The following ASPRV1 variants were observed in gnomAD, a reference collection of about 807,000 sequenced individuals.
ASPRV1 encodes the protein aspartic peptidase retroviral like 1, also known as retroviral-like aspartic protease 1.
Under a neutral mutation model 11.0 loss-of-function variants are expected in ASPRV1, and 7 were observed. That is an observed-to-expected ratio of 0.64 (90% CI 0.36 to 1.20). ASPRV1 has a LOEUF of 1.20. ASPRV1 is among the 50% of genes most tolerant of loss of function. ASPRV1 has a pLI of 0.02. For synonymous variants in ASPRV1, 136 were observed against 138.4 expected, an observed-to-expected ratio of 0.98 and a Z score of 0.12; for missense variants, 299 against 320.0, an observed-to-expected ratio of 0.93 and a Z score of 0.50.
the ASPRV1 span, chr2:70,071,876 G>C: frequency 6.6e-6 from 1 of 152,204 alleles, no homozygotes; most frequent in Non-Finnish European, 1.5e-5. Flanking sequence ...GGCCAAGGCG[G>C]GAGGACTGAT....
the ASPRV1 span, among the ~76,000 whole-genome samples, chr2:69,971,684 T>C: frequency 6.6e-6 from 1 of 152,286 alleles, no homozygotes. Context: ...AGGCCGGAGA[T>C]GTGAGGCGGC....
the ASPRV1 span, among the ~76,000 whole-genome samples, chr2:70,074,139 A>G: frequency 2.0e-5 from 3 of 148,766 alleles, no homozygotes; most frequent in Non-Finnish European, 4.5e-5. Context: ...ATCTCAAAAA[A>G]AAAAAAAAAA....
At chr2:69,936,514 TGG>T in the ASPRV1 span, among the ~76,000 whole-genome samples, 1 of 152,224 alleles carries the variant, frequency 6.6e-6, no homozygotes, top group Non-Finnish European at 1.5e-5. Flanking sequence ...ATATTATAGT[TGG>T]ACAAATGTTA....
chr2:69,969,113 G>T, the ASPRV1 span, among the ~76,000 whole-genome samples: 95 of 152,242 alleles, frequency 6.2e-4, no homozygotes, highest in African/African-American at 2.1e-3. Flanking sequence ...ACACTCACAG[G>T]GCCAAGGTGC....
At chr2:70,013,879 T>C in the ASPRV1 span, among the ~76,000 whole-genome samples, 13 of 151,360 alleles carry the variant, frequency 8.6e-5, no homozygotes, top group Non-Finnish European at 1.5e-4. Context: ...AAACTCCGTC[T>C]CAAAACAAAC....
chr2:70,050,169 A>G, the ASPRV1 span: 1 of 152,120 alleles, frequency 6.6e-6, no homozygotes, highest in Non-Finnish European at 1.5e-5. Context: ...AGTCCCAGGT[A>G]CTCGGGAGGC....
downstream of ASPRV1, among the ~76,000 whole-genome samples, chr2:69,958,105 T>G (rs1677981126): frequency 6.6e-6 from 1 of 152,098 alleles, no homozygotes; most frequent in Non-Finnish European, 1.5e-5. Flanking sequence ...TCTCCCGGGC[T>G]TCTCTGTTGT....
the ASPRV1 span, chr2:69,996,849 G>C: frequency 5.0e-6 from 2 of 403,692 alleles, no homozygotes; most frequent in Admixed American, 6.3e-5. Flanking sequence ...ATGGATAAGG[G>C]TTAAGCACCT....
At chr2:70,032,788 G>A in the ASPRV1 span, among the ~76,000 whole-genome samples, 1 of 152,166 alleles carries the variant, frequency 6.6e-6, no homozygotes, top group Non-Finnish European at 1.5e-5. Flanking sequence ...TGAGGAGGCT[G>A]CAGCTCTCCG....
chr2:69,956,479 A>AAGAAGAAGAGGAAGAAGAAGAAGAAGAAG (rs1558579534), downstream of ASPRV1, among the ~76,000 whole-genome samples: 1 of 132,012 alleles, frequency 7.6e-6, no homozygotes, highest in African/African-American at 3.6e-5. Flanking sequence ...AGAAGAAGAA[A>AAGAAGAAGAGGAAGAAGAAGAAGAAGAAG]AGAGGAAGAA....
At chr2:70,051,088 T>C in the ASPRV1 span, 1 of 152,246 alleles carries the variant, frequency 6.6e-6, no homozygotes, top group Non-Finnish European at 1.5e-5. Flanking sequence ...TTTCAGTTAC[T>C]ATTCTAAGCA....
chr2:70,065,091 TCTCAA>T, the ASPRV1 span, among the ~76,000 whole-genome samples: 1 of 148,048 alleles, frequency 6.8e-6, no homozygotes, highest in African/African-American at 2.5e-5. Flanking sequence ...CCAGACTCCA[TCTCAA>T]AACAAAACAA....
chr2:69,963,112 A>T (rs931158715), upstream of ASPRV1: 5 of 375,028 alleles, frequency 1.3e-5, no homozygotes, highest in Admixed American at 9.9e-5. Context: ...TGGATGGCCC[A>T]GGTCCCCAAC....
the ASPRV1 span, among the ~76,000 whole-genome samples, chr2:70,025,732 A>G: frequency 2.6e-5 from 4 of 152,242 alleles, no homozygotes; most frequent in Non-Finnish European, 5.9e-5. Flanking sequence ...TGTGAACTCC[A>G]GCTTCTGCTG....
At chr2:70,078,684 G>A in the ASPRV1 span, among the ~76,000 whole-genome samples, 1 of 152,332 alleles carries the variant, frequency 6.6e-6, no homozygotes, top group Admixed American at 6.5e-5. Context: ...AGGAAATGAA[G>A]TCAGAGCAGC....
chr2:69,998,349 CT>C, the ASPRV1 span, among the ~76,000 whole-genome samples: 1 of 150,728 alleles, frequency 6.6e-6, no homozygotes, highest in Admixed American at 6.6e-5. Flanking sequence ...TAAAAAGTCA[CT>C]TAAAAAAAAA....
chr2:70,030,128 C>A, the ASPRV1 span: 1 of 152,172 alleles, frequency 6.6e-6, no homozygotes, highest in Non-Finnish European at 1.5e-5. Context: ...AGCACAAAAG[C>A]CTTTGGTAGT....
At chr2:69,935,549 C>T in the ASPRV1 span, 1 of 865,982 alleles carries the variant, frequency 1.2e-6, no homozygotes, top group Non-Finnish European at 1.9e-6. Flanking sequence ...ACAGTCCTCT[C>T]CCCTGAACTC....
At chr2:69,999,578 C>A in the ASPRV1 span, among the ~76,000 whole-genome samples, 5 of 140,272 alleles carry the variant, frequency 3.6e-5, no homozygotes, top group Non-Finnish European at 6.0e-5. Context: ...ATCACTTGAA[C>A]ACAGGAGGCA....
Sources: allele counts gnomAD v4.1 joint callset (sites outside exome capture counted in the v4.1 genomes callset), GRCh38; gene constraint gnomAD v4.1.1; transcripts MANE v1.5; gene names NCBI Gene and HGNC (gene_info 2026-07-23, HGNC 2026-07-21).